Variants in FZD3 observed in about 807,000 individuals in gnomAD.
The protein encoded by FZD3 is frizzled class receptor 3, also known as frizzled-3.
A neutral mutation model predicts 60.7 loss-of-function variants in FZD3; 30 were observed. The observed-to-expected ratio is 0.49, with a 90% confidence interval of 0.37 to 0.67. The LOEUF (loss-of-function observed/expected upper bound fraction) is 0.67. FZD3 is among the 30% of genes least tolerant of loss of function. The pLI, the probability that FZD3 is intolerant of heterozygous loss-of-function variation, is 0.00. For missense variants in FZD3, 605 were observed against 838.7 expected, an observed-to-expected ratio of 0.72 and a Z score of 3.44; for synonymous variants, 246 against 275.2, an observed-to-expected ratio of 0.89 and a Z score of 1.05.
Position 28,517,331 on chromosome 8 carries a change from T to C in FZD3, c.190-3307T>C, listed in dbSNP as rs570605352. ...TACTGTCGCCTCCTTGAAGGTAATA[T>C]GTCTTTTTTCCACTGACTGCCCTTA... On this transcript the variant is annotated intron_variant, in intron 3 of 7. Transcript: ENST00000240093. Among the ~76,000 whole-genome samples, 8 of 152,352 alleles carry C rather than the reference T, an allele frequency of 5.3e-5. No homozygotes were observed. In the South Asian group the frequency reaches 1.7e-3, roughly 32 times the overall value.
chr8:28,506,877 A>T (rs1415441881), intron 3 of FZD3, among the ~76,000 whole-genome samples: 1 of 152,224 alleles, frequency 6.6e-6, no homozygotes, highest in East Asian at 1.9e-4. Context: ...GGAAATTTCC[A>T]TTATATACAA....
intron 3 of FZD3, among the ~76,000 whole-genome samples, chr8:28,514,333 G>A (rs539345168): frequency 1.3e-5 from 2 of 151,926 alleles, no homozygotes; most frequent in African/African-American, 4.8e-5. Flanking sequence ...AAAAATCAGG[G>A]CAATTTGCTT....
At chr8:28,537,152 CTT>C (rs1324623275) in intron 5 of FZD3, among the ~76,000 whole-genome samples, 2 of 152,104 alleles carry the variant, frequency 1.3e-5, no homozygotes, top group African/African-American at 4.8e-5. Context: ...TTCTATATCT[CTT>C]GTTTTGCCAG....
intron 1 of FZD3, among the ~76,000 whole-genome samples, chr8:28,498,950 G>T (rs566327285): frequency 2.9e-4 from 44 of 152,282 alleles, no homozygotes; most frequent in African/African-American, 9.1e-4. Flanking sequence ...TTGAAAATCA[G>T]ATTTTGACTC....
Position 28,555,896 on chromosome 8 carries a change from A to G in FZD3, c.1712A>G (p.Gln571Arg). ...ACTCAGCTGGCTATGGTGGATGATCAAAGAAGCAAAGCAGGAAGCATCCAC... is the reference window on the plus strand; with the variant it reads ...ACTCAGCTGGCTATGGTGGATGATCGAAGAAGCAAAGCAGGAAGCATCCAC... ...SSTQLAMVDD[Q>R]RSKAGSIHSK... Residue 571 changes from glutamine to arginine, a missense_variant, in exon 7 of 8, where the codon CAA (glutamine) becomes CGA (arginine). By Grantham distance (43) the Gln-to-Arg change is conservative. Coordinates refer to ENST00000240093, the MANE Select transcript of FZD3 (RefSeq NM_017412.4). The G allele has an allele frequency of 6.2e-7, 1 of 1,614,152 alleles. No homozygotes were observed. The highest frequency in any genetic ancestry group is 8.5e-7 in the Non-Finnish European group (1 of 1,179,970).
chr8:28,545,901 C>T (rs180811919), intron 5 of FZD3, among the ~76,000 whole-genome samples: 31 of 152,290 alleles, frequency 2.0e-4, no homozygotes, highest in Non-Finnish European at 3.7e-4. Context: ...ACCGCATATG[C>T]GACTATGGTG....
intron 1 of FZD3, among the ~76,000 whole-genome samples, chr8:28,499,261 T>C (rs1161747576): frequency 1.3e-5 from 2 of 152,226 alleles, no homozygotes; most frequent in African/African-American, 4.8e-5. Context: ...ATGAGAGATA[T>C]ATACATATAC....
At chr8:28,541,792 TA>T (rs1017092137) in intron 5 of FZD3, among the ~76,000 whole-genome samples, 5 of 152,218 alleles carry the variant, frequency 3.3e-5, no homozygotes, top group African/African-American at 1.2e-4. Flanking sequence ...CTCCATTCAG[TA>T]AATGGCATCA....
At chr8:28,553,280 G>A (rs929219229) in intron 6 of FZD3, among the ~76,000 whole-genome samples, 2 of 152,174 alleles carry the variant, frequency 1.3e-5, no homozygotes, top group African/African-American at 4.8e-5. Context: ...TGAAAGACTT[G>A]TTGAATGCTT....
intron 1 of FZD3, among the ~76,000 whole-genome samples, chr8:28,496,051 C>T (rs906335928): frequency 2.0e-5 from 3 of 152,132 alleles, no homozygotes; most frequent in African/African-American, 7.2e-5. Context: ...TGCTTCTGAG[C>T]TTTATTTTGT....
Position 28,527,277 on chromosome 8 carries a change from C to T in FZD3, c.517C>T (p.Pro173Ser). Residue 173 changes from proline (P) to serine (S), a missense_variant, in exon 5 of 8, where the codon CCT (proline) becomes TCT (serine). Physicochemically the swap from Pro to Ser is moderately conservative, Grantham distance 74 (BLOSUM62 -1). Transcript: ENST00000240093. This position sits in a 1 kb window ranked among gnomAD's most constrained non-coding sequence, Gnocchi z 5.0. ...GTGTCCCCGAGAGTTAAAAATTGATCCTGATCTGGGTTATTCTTTTCTGCA... is the reference window on the plus strand; with the variant it reads ...GTGTCCCCGAGAGTTAAAAATTGATTCTGATCTGGGTTATTCTTTTCTGCA... ...FWCPRELKID[P>S]DLGYSFLHVR... 3.1e-6 allele frequency: 5 copies of T among 1,613,938 alleles called. No individual in the cohort carries two copies. Among genetic ancestry groups the T allele is most frequent in the Non-Finnish European group, 4.2e-6 (5 of 1,179,898 alleles).
At chr8:28,515,947 C>CT (rs759030161) in intron 3 of FZD3, among the ~76,000 whole-genome samples, 4 of 152,140 alleles carry the variant, frequency 2.6e-5, no homozygotes, top group Non-Finnish European at 5.9e-5. Flanking sequence ...TCAACTTGTG[C>CT]TTTTGGTTTC....
chr8:28,500,535 A>G (rs1004514261), intron 2 of FZD3, among the ~76,000 whole-genome samples: 1 of 152,180 alleles, frequency 6.6e-6, no homozygotes, highest in Admixed American at 6.5e-5. Flanking sequence ...TTGTTACTAT[A>G]TGCGTATTCA....
intron 1 of FZD3, among the ~76,000 whole-genome samples, chr8:28,495,128 G>A (rs1186194221): frequency 6.6e-6 from 1 of 152,212 alleles, no homozygotes; most frequent in African/African-American, 2.4e-5. Flanking sequence ...CTTCCTAGCG[G>A]TGTTTTACAT....
chr8:28,534,386 C>T (rs1804957561), intron 5 of FZD3, among the ~76,000 whole-genome samples: 1 of 152,156 alleles, frequency 6.6e-6, no homozygotes, highest in African/African-American at 2.4e-5. Context: ...GACCCCATTT[C>T]TACAAAAAAT....
chr8:28,510,106 T>TTTTTG (rs1554532822), intron 3 of FZD3, among the ~76,000 whole-genome samples: 2 of 150,816 alleles, frequency 1.3e-5, no homozygotes, highest in African/African-American at 2.4e-5. Flanking sequence ...ATTTTCTGTT[T>TTTTTG]TTTTTGTTTT....
chr8:28,538,867 T>C (rs915953569), intron 5 of FZD3, among the ~76,000 whole-genome samples: 1 of 149,396 alleles, frequency 6.7e-6, no homozygotes, highest in Non-Finnish European at 1.5e-5. Context: ...TTTATATATA[T>C]ATAATATATT....
intron 3 of FZD3, among the ~76,000 whole-genome samples, chr8:28,518,198 A>G (rs1167517482): frequency 6.7e-6 from 1 of 149,582 alleles, no homozygotes; most frequent in Non-Finnish European, 1.5e-5. Flanking sequence ...AGCTGGGACT[A>G]CAGGCATATG....
At chr8:28,503,731 G>A (rs371421796) in intron 3 of FZD3, among the ~76,000 whole-genome samples, 2 of 152,256 alleles carry the variant, frequency 1.3e-5, no homozygotes, top group East Asian at 1.9e-4. Context: ...TTGAGGACAG[G>A]GATATATATA....
Sources: gnomAD v4.1 joint callset for allele counts (sites outside exome capture counted in the v4.1 genomes callset) on GRCh38, gnomAD v4.1.1 for gene constraint, Gnocchi (gnomAD v3.1) non-coding constraint, MANE v1.5 for transcripts, NCBI Gene and HGNC (gene_info 2026-07-23, HGNC 2026-07-21) for gene names.